Variants in ANOS1 observed in about 807,000 individuals in gnomAD.
The protein encoded by ANOS1 is anosmin 1, also known as anosmin-1.
ANOS1 carries 6 observed loss-of-function variants against 59.0 expected under a neutral mutation model. That is an observed-to-expected ratio of 0.10 (90% CI 0.06 to 0.20). ANOS1 has a LOEUF of 0.20. Ranked by LOEUF, ANOS1 falls within the 10% of genes least tolerant of loss-of-function variation. The pLI, the probability that ANOS1 is intolerant of heterozygous loss-of-function variation, is 1.00. For missense variants in ANOS1, 433 were observed against 542.3 expected, an observed-to-expected ratio of 0.80 and a Z score of 2.00; for synonymous variants, 217 against 223.4, an observed-to-expected ratio of 0.97 and a Z score of 0.25.
At chrX:8,581,995 A>C (rs912723678) in intron 6 of ANOS1, among the ~76,000 whole-genome samples, 2 of 111,732 alleles carry the variant, frequency 1.8e-5, no homozygotes, top group Admixed American at 1.9e-4. Flanking sequence ...TCATTTCCTC[A>C]TATATTGAAC....
At chrX:8,644,593 C>T (rs1400866286) in intron 2 of ANOS1, among the ~76,000 whole-genome samples, 1 of 112,078 alleles carries the variant, frequency 8.9e-6, no homozygotes, top group Admixed American at 9.5e-5. Context: ...ATCGCCTTCC[C>T]TTATTAGTTC....
chrX:8,619,359 A>T (rs1374615154), intron 3 of ANOS1, among the ~76,000 whole-genome samples: 1 of 111,806 alleles, frequency 8.9e-6, no homozygotes, highest in Non-Finnish European at 1.9e-5. Context: ...TAATCCCAGC[A>T]CTTTGGGAGG....
chrX:8,722,318 C>T (rs1489876079), intron 1 of ANOS1, among the ~76,000 whole-genome samples: 1 of 111,406 alleles, frequency 9.0e-6, no homozygotes, highest in Non-Finnish European at 1.9e-5. Flanking sequence ...GCAGTATACA[C>T]TGAACCCAGT....
chrX:8,731,784 C>T, intron 1 of ANOS1, 46 bp downstream of exon 1: 1 of 1,159,143 alleles, frequency 8.6e-7, no homozygotes, highest in Non-Finnish European at 1.2e-6. Flanking sequence ...GCGCCCACGC[C>T]GCGGCCGCAG....
At chrX:8,536,975 T>G (rs6640177) in intron 10 of ANOS1, 33 bp from the exon 11 acceptor site, 1 of 1,098,180 alleles carries the variant, frequency 9.1e-7, no homozygotes, top group Non-Finnish European at 1.3e-6. Flanking sequence ...ATGCTAGCAA[T>G]AAATCTCATT....
At chrX:8,632,913 T>C (rs1014083402) in intron 2 of ANOS1, among the ~76,000 whole-genome samples, 7 of 111,654 alleles carry the variant, frequency 6.3e-5, no homozygotes, top group African/African-American at 2.3e-4. Context: ...GCTGTGGACC[T>C]GCTTTTTAGA....
At chrX:8,644,726 T>C (rs1332014734) in intron 2 of ANOS1, among the ~76,000 whole-genome samples, 1 of 111,884 alleles carries the variant, frequency 8.9e-6, no homozygotes, top group Non-Finnish European at 1.9e-5. Flanking sequence ...TCAACCCCAC[T>C]GTCCTTATCT....
At chrX:8,696,201 C>G (rs1157792959) in intron 2 of ANOS1, among the ~76,000 whole-genome samples, 2 of 111,794 alleles carry the variant, frequency 1.8e-5, no homozygotes, top group African/African-American at 6.5e-5. Context: ...GGGCCCCTGC[C>G]ATTGGTATGC....
rs779092625 is a variant in ANOS1, at chrX:8,626,754, G to A, written c.256-3084C>T. On this transcript the variant is annotated intron_variant, in intron 2 of 13. Transcript: ENST00000262648. Reference sequence around the variant, plus strand: ...CGGGCGCCTGTAGTCCTAGCTTCTCGGGAGGCTGAGGCAGGAGAATGGCGT... The same window carrying A: ...CGGGCGCCTGTAGTCCTAGCTTCTCAGGAGGCTGAGGCAGGAGAATGGCGT... Among the ~76,000 whole-genome samples, 601 of 107,300 alleles carry A rather than the reference G, an allele frequency of 5.6e-3. 4 individuals carry two copies. Among genetic ancestry groups the A allele is most frequent in the Middle Eastern group, 0.029 (6 of 208 alleles). The allele number at this position is 107,300 out of a possible 115,157, so 93.2% of individuals were successfully genotyped here.
chrX:8,730,516 T>G (rs1025941695), intron 1 of ANOS1, among the ~76,000 whole-genome samples: 1 of 112,388 alleles, frequency 8.9e-6, no homozygotes, highest in African/African-American at 3.2e-5. Context: ...GGGAATCACT[T>G]CCACATTCCA....
chrX:8,587,907 A>T lies in ANOS1; in HGVS notation c.613T>A (p.Ser205Thr), dbSNP rs1930547523. 1.7e-6 allele frequency: 2 copies of T among 1,207,931 alleles called. No homozygotes were observed. Among genetic ancestry groups the T allele is most frequent in the Non-Finnish European group, 2.2e-6 (2 of 892,679 alleles). ...TCAATAGAAATATTGAATTTCGAGG[A>T]CCACTTAACCTCCAGCTGTCCAGAC... ...LQSGQLEVKW[S>T]SKFNISIEPV... The change falls in exon 5 of 14, where the codon TCC (serine) becomes ACC (threonine). Residue 205 changes from serine (S) to threonine (T), a missense_variant. Coordinates refer to ENST00000262648, the MANE Select transcript of ANOS1 (RefSeq NM_000216.4).
At chrX:8,668,230 T>C (rs1039324207) in intron 2 of ANOS1, among the ~76,000 whole-genome samples, 3 of 107,131 alleles carry the variant, frequency 2.8e-5, no homozygotes, top group Non-Finnish European at 5.8e-5. Flanking sequence ...GTCATTATTA[T>C]GCTTTTGCAT....
chrX:8,585,134 T>C, intron 6 of ANOS1, 133 bp downstream of exon 6: 1 of 715,875 alleles, frequency 1.4e-6, no homozygotes, highest in Non-Finnish European at 2.1e-6. Context: ...ACACATCTGG[T>C]CCCATTCTCT....
intron 3 of ANOS1, among the ~76,000 whole-genome samples, chrX:8,610,279 C>A (rs1931031486): frequency 9.0e-6 from 1 of 111,073 alleles, no homozygotes; most frequent in South Asian, 3.7e-4. Context: ...GTGTATGTAA[C>A]CACGTTATTC....
At chrX:8,603,565 C>T (rs1225631795) in intron 3 of ANOS1, among the ~76,000 whole-genome samples, 1 of 112,187 alleles carries the variant, frequency 8.9e-6, no homozygotes, top group Non-Finnish European at 1.9e-5. Context: ...AGAGACAGTA[C>T]TATCTTTGTT....
intron 10 of ANOS1, 32 bp from the exon 11 acceptor site, chrX:8,536,974 A>G: frequency 9.0e-7 from 1 of 1,107,498 alleles, no homozygotes; most frequent in Non-Finnish European, 1.2e-6. Context: ...TATGCTAGCA[A>G]TAAATCTCAT....
At chrX:8,575,036 G>C (rs1930298121) in intron 6 of ANOS1, among the ~76,000 whole-genome samples, 1 of 111,996 alleles carries the variant, frequency 8.9e-6, no homozygotes, top group African/African-American at 3.2e-5. Context: ...TGCTCAGTAA[G>C]CAATTGCTGA....
chrX:8,717,537 A>G (rs772122942), intron 1 of ANOS1, among the ~76,000 whole-genome samples: 65 of 106,333 alleles, frequency 6.1e-4, no homozygotes, highest in Non-Finnish European at 5.1e-4. Context: ...GCCCAATGGG[A>G]AAAAAAAAAA....
At chrX:8,648,483 T>C (rs1231504783) in intron 2 of ANOS1, among the ~76,000 whole-genome samples, 1 of 98,696 alleles carries the variant, frequency 1.0e-5, no homozygotes, top group Non-Finnish European at 2.0e-5. Flanking sequence ...AAAAGAACAA[T>C]TACATGGAAA....
Sources: allele counts gnomAD v4.1 joint callset (sites outside exome capture counted in the v4.1 genomes callset), GRCh38; gene constraint gnomAD v4.1.1; transcripts MANE v1.5; gene names NCBI Gene and HGNC (gene_info 2026-07-23, HGNC 2026-07-21).